PPP3CB: variants seen among roughly 807,000 people sequenced by gnomAD.
PPP3CB encodes the protein protein phosphatase 3 catalytic subunit beta.
A neutral mutation model predicts 66.4 loss-of-function variants in PPP3CB; 8 were observed. The ratio of observed to expected loss-of-function variants is 0.12; its 90% CI spans 0.07 to 0.22. The LOEUF (loss-of-function observed/expected upper bound fraction) is 0.22, where lower values mean the gene tolerates loss of function less well. Among genes scored for constraint, PPP3CB ranks in the 10% least tolerant of loss-of-function variants. The probability of loss-of-function intolerance (pLI) is 1.00; values close to 1 mark genes in which losing one functional copy is unlikely to be tolerated. For synonymous variants in PPP3CB, 208 were observed against 221.2 expected (o/e 0.94, Z 0.53); for missense variants, 319 against 642.5 (o/e 0.50, Z 5.44).
rs536579287 is a variant in PPP3CB, at chr10:73,494,496, T to C, written c.85+1309A>G. On this transcript the variant is annotated intron_variant, in intron 1 of 13. Coordinates refer to ENST00000360663, the MANE Select transcript of PPP3CB (RefSeq NM_021132.4). ...TTTTGGTAGAGAAAAGGTTTCGCCA[T>C]GTTGCCCAGGCTGGTCTCCAACTCC... Among the ~76,000 whole-genome samples, 11 of 152,194 alleles carry C rather than the reference T, an allele frequency of 7.2e-5. No homozygotes were observed. The South Asian group carries it at 2.3e-3, about 32-fold the overall frequency.
intron 1 of PPP3CB, among the ~76,000 whole-genome samples, chr10:73,493,757 T>G (rs1028681238): frequency 3.3e-5 from 5 of 152,302 alleles, no homozygotes; most frequent in Admixed American, 3.3e-4. Context: ...AAGCTTTATT[T>G]AACTATAATT....
intron 11 of PPP3CB, 61 bp downstream of exon 11, chr10:73,446,431 G>C: frequency 1.3e-6 from 2 of 1,507,170 alleles, no homozygotes; most frequent in South Asian, 1.1e-5. Context: ...GACAATGCTT[G>C]TAACAAGGTA....
chr10:73,443,334 G>GAAAGAA (rs2056193390), intron 12 of PPP3CB, among the ~76,000 whole-genome samples: 1 of 120,100 alleles, frequency 8.3e-6, no homozygotes, highest in Non-Finnish European at 1.9e-5. Flanking sequence ...GAAAGAAAAA[G>GAAAGAA]AAAGAGAAGA....
chr10:73,490,886 G>A (rs2057061851), intron 1 of PPP3CB, among the ~76,000 whole-genome samples: 1 of 151,946 alleles, frequency 6.6e-6, no homozygotes, highest in South Asian at 2.1e-4. Flanking sequence ...CAGGCAGGGT[G>A]CAGTGGCACA....
chr10:73,441,614 T>C (rs1017394537), intron 12 of PPP3CB, among the ~76,000 whole-genome samples: 1 of 152,178 alleles, frequency 6.6e-6, no homozygotes, highest in Non-Finnish European at 1.5e-5. Flanking sequence ...GTCATGGCCT[T>C]AATAAGTTTG....
Position 73,444,823 on chromosome 10 carries a change from C to T in PPP3CB, c.1269-1G>A. 6.2e-7 allele frequency: 1 copy of T among 1,612,652 alleles called. No homozygotes were observed. ...TGTCAGCACACTTTCACTCTCCTCC[C>T]TATAGCAGAGAGATATAACAAATAT... On this transcript the variant is annotated splice_acceptor_variant, in intron 11 of 13. Transcript: ENST00000360663. LOFTEE classifies it high-confidence loss of function.
At chr10:73,470,596 G>C in intron 8 of PPP3CB, 91 bp downstream of exon 8, 2 of 744,048 alleles carry the variant, frequency 2.7e-6, no homozygotes, top group Non-Finnish European at 4.2e-6. Flanking sequence ...GATACTAATA[G>C]TTTCAAACAA....
chr10:73,446,256 C>A (rs112190711), intron 11 of PPP3CB, among the ~76,000 whole-genome samples: 1 of 151,858 alleles, frequency 6.6e-6, no homozygotes. Context: ...CATGCCACCA[C>A]GCCCGGCTAA....
At position 73,470,678 on chromosome 10, in the gene PPP3CB, A is replaced by G. The variant is rs1394740380; in HGVS notation, c.982+9T>C. 6.8e-7 allele frequency: 1 copy of G among 1,476,128 alleles called. No homozygotes were observed. The highest frequency in any genetic ancestry group is 2.2e-5 in the Admixed American group (1 of 46,186). The allele number at this position is 1,476,128 out of a possible 1,614,324, so 91.4% of individuals were successfully genotyped here. ...TGTTTAACAATTTTTTTTATCAACA[A>G]TATCTTACCTTTATTATTGTAGACA... On this transcript the variant is annotated intron_variant, in intron 8 of 13. Coordinates refer to ENST00000360663, the MANE Select transcript of PPP3CB (RefSeq NM_021132.4).
intron 1 of PPP3CB, among the ~76,000 whole-genome samples, chr10:73,482,705 C>T (rs903882915): frequency 5.9e-5 from 9 of 151,546 alleles, no homozygotes; most frequent in Non-Finnish European, 8.8e-5. Context: ...ACAACATCCA[C>T]CTCCTGGGTT....
chr10:73,481,233 A>G (rs1273353415), intron 1 of PPP3CB, among the ~76,000 whole-genome samples: 1 of 146,074 alleles, frequency 6.8e-6, no homozygotes, highest in African/African-American at 2.6e-5. Context: ...CAGACTTGGG[A>G]GGCCAAGGCC....
At chr10:73,459,464 C>T (rs965498241) in intron 9 of PPP3CB, among the ~76,000 whole-genome samples, 3 of 152,214 alleles carry the variant, frequency 2.0e-5, no homozygotes, top group East Asian at 1.9e-4. Flanking sequence ...CCAGCCTGGG[C>T]GACAGAGCAA....
chr10:73,455,287 CCT>C (rs1425227888), intron 9 of PPP3CB, among the ~76,000 whole-genome samples: 1 of 152,180 alleles, frequency 6.6e-6, no homozygotes, highest in African/African-American at 2.4e-5. Context: ...TAGGCTTAAT[CCT>C]CTTTGACTAT....
At chr10:73,482,329 G>A (rs2056892520) in intron 1 of PPP3CB, among the ~76,000 whole-genome samples, 1 of 151,536 alleles carries the variant, frequency 6.6e-6, no homozygotes, top group Admixed American at 6.6e-5. Flanking sequence ...CAGATCATGA[G>A]GTCAAGATTT....
chr10:73,475,663 GCTT>G (rs1564564182), intron 3 of PPP3CB, among the ~76,000 whole-genome samples: 1 of 152,024 alleles, frequency 6.6e-6, no homozygotes, highest in East Asian at 1.9e-4. Flanking sequence ...TATGGTAAGT[GCTT>G]ATTATCTGAA....
chr10:73,480,750 C>T (rs992954806), intron 1 of PPP3CB, among the ~76,000 whole-genome samples: 2 of 152,018 alleles, frequency 1.3e-5, no homozygotes, highest in Admixed American at 1.3e-4. Context: ...TGGCCTATCC[C>T]TACAAATTTA....
intron 9 of PPP3CB, 153 bp downstream of exon 9, chr10:73,467,400 A>AG (rs1443716087): frequency 2.0e-6 from 1 of 493,768 alleles, no homozygotes; most frequent in African/African-American, 2.0e-5. Flanking sequence ...AATATCTTTG[A>AG]GACTCTTATG....
chr10:73,489,408 C>CAATAATAATAATAATAATAATAATAAT lies in PPP3CB; in HGVS notation c.85+6396_85+6397insATTATTATTATTATTATTATTATTATT, dbSNP rs10524475. 3.3e-3 allele frequency among the ~76,000 whole-genome samples: 500 copies of CAATAATAATAATAATAATAATAATAAT among 149,928 alleles called. 2 individuals carry two copies. Among genetic ancestry groups the CAATAATAATAATAATAATAATAATAAT allele is most frequent in the African/African-American group, 8.0e-3 (324 of 40,388 alleles). ...GGTCACTATTCTACTTTAAAACCTTCAATAATAATAATAATAATAATAATG... is the reference window on the plus strand; with the variant it reads ...GGTCACTATTCTACTTTAAAACCTTCAATAATAATAATAATAATAATAATAATAATAATAATAATAATAATAATAATG... On this transcript the variant is annotated intron_variant, in intron 1 of 13. Coordinates refer to ENST00000360663, the MANE Select transcript of PPP3CB (RefSeq NM_021132.4).
chr10:73,439,740 A>G lies in PPP3CB; in HGVS notation c.1396+132T>C, dbSNP rs965275550. ...AAAAAAAGAGGGCTGCAAGGCTTCT[A>G]AACTTGATGAATCAGTGAGTCTGAT... On this transcript the variant is annotated intron_variant, in intron 13 of 13. Transcript: ENST00000360663. 3 of 990,058 alleles carry G rather than the reference A, an allele frequency of 3.0e-6. No individual in the cohort carries two copies. The Admixed American group carries it at 6.8e-5, about 22-fold the overall frequency. 61.3% of individuals were successfully genotyped at this position (990,058 alleles called of 1,614,324 possible).
Sources: allele counts gnomAD v4.1 joint callset (sites outside exome capture counted in the v4.1 genomes callset), GRCh38; gene constraint gnomAD v4.1.1; transcripts MANE v1.5; gene names NCBI Gene and HGNC (gene_info 2026-07-23, HGNC 2026-07-21).